Variants in GHR observed in about 807,000 individuals in gnomAD.
GHR encodes growth hormone receptor.
In GHR, 35 loss-of-function variants were observed where a neutral mutation model predicts 67.1. That is an observed-to-expected ratio of 0.52 (90% CI 0.40 to 0.69). GHR has a LOEUF of 0.69. GHR is among the 30% of genes least tolerant of loss of function. The pLI, the probability that GHR is intolerant of heterozygous loss-of-function variation, is 0.00. For synonymous variants in GHR, 272 were observed against 269.1 expected, an observed-to-expected ratio of 1.01 and a Z score of -0.10; for missense variants, 792 against 764.6, an observed-to-expected ratio of 1.04 and a Z score of -0.42.
chr5:42,531,414 TG>T (rs1747962848), intron 1 of GHR, among the ~76,000 whole-genome samples: 1 of 152,006 alleles, frequency 6.6e-6, no homozygotes, highest in Non-Finnish European at 1.5e-5. Context: ...TTCTCTACAA[TG>T]ATTTGAGACA....
chr5:42,706,895 T>C (rs1469509534), intron 6 of GHR, among the ~76,000 whole-genome samples: 1 of 152,150 alleles, frequency 6.6e-6, no homozygotes, highest in African/African-American at 2.4e-5. Context: ...ATATGAATTT[T>C]ACAATTGTTT....
intron 1 of GHR, among the ~76,000 whole-genome samples, chr5:42,450,589 G>A (rs911104028): frequency 2.0e-5 from 3 of 151,702 alleles, no homozygotes; most frequent in African/African-American, 7.3e-5. Context: ...TGTTTCACTT[G>A]TCTTTTGCAT....
intron 1 of GHR, among the ~76,000 whole-genome samples, chr5:42,512,996 G>A (rs940414895): frequency 1.3e-5 from 2 of 152,006 alleles, no homozygotes; most frequent in Non-Finnish European, 2.9e-5. Context: ...TTTTAAAGGG[G>A]TCAGAGAAAT....
At chr5:42,510,452 G>A (rs758636777) in intron 1 of GHR, among the ~76,000 whole-genome samples, 30 of 152,242 alleles carry the variant, frequency 2.0e-4, no homozygotes, top group Admixed American at 1.2e-3. Context: ...CTTCATTTGG[G>A]CAGATGTTTC....
At chr5:42,599,088 G>A (rs1443721956) in intron 2 of GHR, among the ~76,000 whole-genome samples, 1 of 152,134 alleles carries the variant, frequency 6.6e-6, no homozygotes, top group Admixed American at 6.5e-5. Context: ...GAAATATTGG[G>A]CTCTTTACAT....
At position 42,567,629 on chromosome 5, in the gene GHR, A is replaced by G. The variant is rs372216124; in HGVS notation, c.70+1685A>G. ...TTTTTTTTGTCTTATTGAACTAACC[A>G]ATATTTCTTTTTCCTTTGGAATATG... On this transcript the variant is annotated intron_variant, in intron 2 of 9. Transcript: ENST00000230882. 3.9e-5 allele frequency among the ~76,000 whole-genome samples: 6 copies of G among 151,932 alleles called. No homozygotes were observed. In the East Asian group the frequency reaches 1.2e-3, roughly 29 times the overall value.
At position 42,718,738 on chromosome 5, in the gene GHR, G is replaced by A; in HGVS notation, c.1231G>A (p.Val411Ile). 1.2e-6 allele frequency: 2 copies of A among 1,614,102 alleles called. No homozygotes were observed. Among genetic ancestry groups the A allele is most frequent in the East Asian group, 2.2e-5 (1 of 44,880 alleles). ...TGACATACATGAGGGTACCTCAGAG[G>A]TTGCTCAGCCACAGAGGTTAAAAGG... ...ANDIHEGTSE[V>I]AQPQRLKGEA... Residue 411 changes from valine (V) to isoleucine (I), a missense_variant, in exon 10 of 10, where the codon GTT becomes ATT. Physicochemically the swap from Val to Ile is conservative, Grantham distance 29. Transcript: ENST00000230882.
At chr5:42,467,920 G>A (rs1744808002) in intron 1 of GHR, 1 of 738,898 alleles carries the variant, frequency 1.4e-6, no homozygotes, top group Non-Finnish European at 2.3e-6. Context: ...TTTCAGGTAA[G>A]TGACAGTCAT....
chr5:42,473,650 G>A (rs531524374), intron 1 of GHR, among the ~76,000 whole-genome samples: 3 of 151,946 alleles, frequency 2.0e-5, no homozygotes, highest in Non-Finnish European at 2.9e-5. Context: ...AGGCTGAGGC[G>A]GGTGGATCAT....
chr5:42,432,958 G>T (rs914144783), intron 1 of GHR, among the ~76,000 whole-genome samples: 48 of 152,142 alleles, frequency 3.2e-4, no homozygotes, highest in Non-Finnish European at 1.3e-4. Context: ...GAAGTTTGTG[G>T]ATAATTTGAG....
chr5:42,531,275 A>C (rs1450151600), intron 1 of GHR, among the ~76,000 whole-genome samples: 1 of 151,974 alleles, frequency 6.6e-6, no homozygotes, highest in East Asian at 1.9e-4. Context: ...TCCAAAAAAA[A>C]AACCAAAAAG....
At chr5:42,563,259 G>C (rs1259688310) in intron 1 of GHR, among the ~76,000 whole-genome samples, 2 of 152,188 alleles carry the variant, frequency 1.3e-5, no homozygotes, top group African/African-American at 4.8e-5. Context: ...CTGACACTAA[G>C]TGTCTTGGGA....
chr5:42,479,241 G>A (rs1745492689), intron 1 of GHR, among the ~76,000 whole-genome samples: 1 of 152,212 alleles, frequency 6.6e-6, no homozygotes, highest in Admixed American at 6.5e-5. Flanking sequence ...AAGCCAGCTT[G>A]ATCATGGTGG....
At chr5:42,619,488 T>C (rs1264381926) in intron 2 of GHR, among the ~76,000 whole-genome samples, 1 of 152,018 alleles carries the variant, frequency 6.6e-6, no homozygotes, top group Non-Finnish European at 1.5e-5. Context: ...ATAATACACA[T>C]CTATTTCCTT....
intron 1 of GHR, among the ~76,000 whole-genome samples, chr5:42,443,418 C>T (rs1743666162): frequency 1.3e-5 from 2 of 152,212 alleles, no homozygotes; most frequent in Admixed American, 6.5e-5. Flanking sequence ...ATAGGCATAA[C>T]TATTGCTAAA....
Position 42,565,614 on chromosome 5 carries a change from G to T in GHR, c.-11-250G>T, listed in dbSNP as rs1233090619. ...TTTCTATGGCTTTGAGCCAGGGTAT[G>T]AACATCTCTAGTGTTCATGTTATTT... On this transcript the variant is annotated intron_variant, in intron 1 of 9. Coordinates refer to ENST00000230882, the MANE Select transcript of GHR (RefSeq NM_000163.5). 5 of 985,092 alleles carry T rather than the reference G, an allele frequency of 5.1e-6. 1 individual carries two copies. In the Admixed American group the frequency reaches 2.5e-4, roughly 48 times the overall value. 61.0% of individuals were successfully genotyped at this position (985,092 alleles called of 1,614,324 possible).
intron 2 of GHR, among the ~76,000 whole-genome samples, chr5:42,579,638 C>T (rs1751052119): frequency 6.6e-6 from 1 of 152,178 alleles, no homozygotes; most frequent in South Asian, 2.1e-4. Flanking sequence ...CAAATGCTTC[C>T]TTTCATTTCT....
At chr5:42,699,676 G>A in intron 5 of GHR, 148 bp from the exon 6 acceptor site, 1 of 673,610 alleles carries the variant, frequency 1.5e-6, no homozygotes, top group Admixed American at 2.4e-5. Context: ...CTCTTATAAA[G>A]TGAAAGTTAT....
chr5:42,579,134 GATAGATGATAGATAGATAT>G (rs1750980383), intron 2 of GHR, among the ~76,000 whole-genome samples: 2 of 58,608 alleles, frequency 3.4e-5, no homozygotes, highest in African/African-American at 7.1e-5. Context: ...TAGATAGATA[GATAGATGATAGATAGATAT>G]AGATAGATAG....
Sources: gnomAD v4.1 joint callset for allele counts (sites outside exome capture counted in the v4.1 genomes callset) on GRCh38, gnomAD v4.1.1 for gene constraint, MANE v1.5 for transcripts, NCBI Gene and HGNC (gene_info 2026-07-23, HGNC 2026-07-21) for gene names.